Variants in ATP10B observed in about 807,000 individuals in gnomAD.
ATP10B encodes the protein ATPase phospholipid transporting 10B (putative).
In ATP10B, 122 loss-of-function variants were observed where a neutral mutation model predicts 141.2. The observed-to-expected ratio is 0.86, with a 90% CI of 0.75 to 1.00. The LOEUF (loss-of-function observed/expected upper bound fraction) is 1.00, where lower values mean the gene tolerates loss of function less well. ATP10B is among the 50% of genes least tolerant of loss of function. The pLI is 0.00. For synonymous variants in ATP10B, 685 were observed against 692.0 expected, an observed-to-expected ratio of 0.99 and a Z score of 0.16; for missense variants, 1,876 against 1,825.3, an observed-to-expected ratio of 1.03 and a Z score of -0.51.
At chr5:160,809,747 T>TAGCAC (rs1396759283) in intron 1 of ATP10B, among the ~76,000 whole-genome samples, 3 of 152,216 alleles carry the variant, frequency 2.0e-5, no homozygotes, top group African/African-American at 7.2e-5. Context: ...TTTCCTGTTC[T>TAGCAC]AGCACAGTTT....
the ATP10B span, among the ~76,000 whole-genome samples, chr5:160,926,758 G>T: frequency 6.6e-6 from 1 of 152,228 alleles, no homozygotes; most frequent in Admixed American, 6.5e-5. Flanking sequence ...TAATTAAAGC[G>T]TGTAAGTTGA....
intron 6 of ATP10B, 81 bp downstream of exon 6, chr5:160,685,998 A>G (rs1763725920): frequency 9.1e-7 from 1 of 1,100,478 alleles, no homozygotes; most frequent in Non-Finnish European, 1.2e-6. Flanking sequence ...AAAATCGAAG[A>G]AAAGAGACTC....
chr5:160,669,164 A>T (rs537549986), intron 7 of ATP10B, among the ~76,000 whole-genome samples: 1 of 152,350 alleles, frequency 6.6e-6, no homozygotes, highest in East Asian at 1.9e-4. Context: ...AACTCCCACA[A>T]GGAGAATTTT....
intron 1 of ATP10B, among the ~76,000 whole-genome samples, chr5:160,836,230 C>T (rs183060637): frequency 1.3e-5 from 2 of 152,080 alleles, no homozygotes; most frequent in East Asian, 3.9e-4. Context: ...CACTTGTACC[C>T]CTTCAATTTA....
chr5:160,806,136 G>A (rs1430060802), intron 1 of ATP10B, among the ~76,000 whole-genome samples: 2 of 152,274 alleles, frequency 1.3e-5, no homozygotes, highest in African/African-American at 4.8e-5. Flanking sequence ...GCTTTACTCT[G>A]TCCACCAGTT....
At chr5:160,880,125 G>T in the ATP10B span, among the ~76,000 whole-genome samples, 964 of 142,078 alleles carry the variant, frequency 6.8e-3, 14 homozygotes, top group African/African-American at 0.024. Context: ...TTATGTAAAA[G>T]AAATTATATA....
intron 1 of ATP10B, among the ~76,000 whole-genome samples, chr5:160,833,978 C>A (rs1312558142): frequency 1.3e-5 from 2 of 152,016 alleles, no homozygotes; most frequent in African/African-American, 4.8e-5. Context: ...TTCTACCATA[C>A]TTGTGGGCAG....
chr5:160,643,636 A>T (rs1760046809), intron 9 of ATP10B, among the ~76,000 whole-genome samples: 1 of 152,226 alleles, frequency 6.6e-6, no homozygotes, highest in South Asian at 2.1e-4. Flanking sequence ...AATAGTAAAA[A>T]CATAACTGCA....
the ATP10B span, among the ~76,000 whole-genome samples, chr5:160,900,914 T>G: frequency 6.4e-5 from 9 of 141,004 alleles, no homozygotes; most frequent in Non-Finnish European, 1.3e-4. Flanking sequence ...AGAAGTTTTT[T>G]TTTTTTTTTT....
rs1775841858 is a variant in ATP10B, at chr5:160,842,062, A to G, written c.-576+9879T>C. 2.0e-5 allele frequency among the ~76,000 whole-genome samples: 3 copies of G among 152,316 alleles called. No homozygotes were observed. The South Asian group carries it at 6.2e-4, about 32-fold the overall frequency. On this transcript the variant is annotated intron_variant, in intron 1 of 25. Transcript: ENST00000327245. The stretch of plus-strand genomic sequence containing the variant: ...AAGGGCTCATGAAACATTTATTAAA[A>G]TAGGCCACAGGCTAGCCATAAAGCA...
chr5:160,880,308 T>A, the ATP10B span, among the ~76,000 whole-genome samples: 1 of 149,008 alleles, frequency 6.7e-6, no homozygotes, highest in African/African-American at 2.5e-5. Flanking sequence ...AAAGGAAAAA[T>A]CAAATAAATG....
At chr5:160,672,788 A>T (rs978652414) in intron 6 of ATP10B, among the ~76,000 whole-genome samples, 2 of 152,230 alleles carry the variant, frequency 1.3e-5, no homozygotes, top group Non-Finnish European at 1.5e-5. Context: ...AAGAGTTGTG[A>T]ATAGAATTCC....
chr5:160,627,987 G>A (rs995929064), intron 13 of ATP10B, among the ~76,000 whole-genome samples: 4 of 152,190 alleles, frequency 2.6e-5, no homozygotes, highest in South Asian at 4.1e-4. Flanking sequence ...AACCCTGTGG[G>A]CTATGACTAT....
At chr5:160,644,333 G>T in intron 8 of ATP10B, 89 bp from the exon 9 acceptor site, 1 of 869,904 alleles carries the variant, frequency 1.1e-6, no homozygotes, top group Non-Finnish European at 2.0e-6. Flanking sequence ...AGTGGTGAGT[G>T]AACATGATCC....
At chr5:160,734,846 A>G (rs1194004587) in intron 2 of ATP10B, among the ~76,000 whole-genome samples, 2 of 152,032 alleles carry the variant, frequency 1.3e-5, no homozygotes, top group Non-Finnish European at 2.9e-5. Context: ...ATGTATAAAA[A>G]TTAATGAATT....
intron 6 of ATP10B, among the ~76,000 whole-genome samples, chr5:160,683,676 T>C (rs1285193618): frequency 6.6e-6 from 1 of 152,224 alleles, no homozygotes; most frequent in Non-Finnish European, 1.5e-5. Context: ...CCTAGGGTGC[T>C]GCTTGTGAGA....
rs1185871793 is a variant in ATP10B, at chr5:160,683,005, C to T, written c.470+3074G>A. On this transcript the variant is annotated intron_variant, in intron 6 of 25. Transcript: ENST00000327245. ...AGTGAGCTGTGATGGCGCCACTGCA[C>T]TCCAGCCTGGGCGACAGACCAAGAC... Among the ~76,000 whole-genome samples the T allele has an allele frequency of 7.1e-5, 9 of 127,038 alleles. No individual in the cohort carries two copies. The East Asian group carries it at 2.0e-3, about 29-fold the overall frequency. The allele number at this position is 127,038 out of a possible 152,430, so 83.3% of individuals were successfully genotyped here. A position where few individuals can be genotyped will look rare whatever the true frequency, so the allele number is the denominator to read the frequency against.
chr5:160,635,925 T>A (rs1265016084), intron 11 of ATP10B, among the ~76,000 whole-genome samples: 1 of 152,200 alleles, frequency 6.6e-6, no homozygotes, highest in Non-Finnish European at 1.5e-5. Context: ...TGCTGTCATC[T>A]TAAATAGAAA....
chr5:160,632,268 G>T lies in ATP10B; in HGVS notation c.1481C>A (p.Ala494Glu), dbSNP rs1371583215. Residue 494 changes from alanine to glutamate, a missense_variant, in exon 13 of 26, where the codon GCA becomes GAA. Coordinates refer to ENST00000327245, the MANE Select transcript of ATP10B (RefSeq NM_025153.3). Reference protein sequence around the residue: ...SFSARWAQDPATMRSQKGAQP... With the variant: ...SFSARWAQDPETMRSQKGAQP... ...AGCACCTTTTTGGCTTCTCATAGTT[G>T]CTGGATCCTGGGCCCATCTAGCCGA... The T allele has an allele frequency of 9.9e-6, 16 of 1,614,158 alleles. No homozygotes were observed. Among genetic ancestry groups the T allele is most frequent in the Non-Finnish European group, 1.4e-5 (16 of 1,180,014 alleles).
Sources: gnomAD v4.1 joint callset for allele counts (sites outside exome capture counted in the v4.1 genomes callset) on GRCh38, gnomAD v4.1.1 for gene constraint, MANE v1.5 for transcripts, NCBI Gene and HGNC (gene_info 2026-07-23, HGNC 2026-07-21) for gene names.